Variants in EVC2 observed in about 807,000 individuals in gnomAD.
EVC2 encodes limbin.
EVC2 carries 148 observed loss-of-function variants against 149.3 expected under a neutral mutation model. That is an observed-to-expected ratio of 0.99 (90% CI 0.87 to 1.14). The LOEUF (loss-of-function observed/expected upper bound fraction) is 1.14, where lower values mean the gene tolerates loss of function less well. Among genes scored for constraint, EVC2 ranks in the 50% most tolerant of loss-of-function variants. The pLI, the probability that EVC2 is intolerant of heterozygous loss-of-function variation, is 0.00. For synonymous variants in EVC2, 776 were observed against 649.9 expected, an observed-to-expected ratio of 1.19 and a Z score of -2.95; for missense variants, 1,854 against 1,627.3, an observed-to-expected ratio of 1.14 and a Z score of -2.40.
intron 19 of EVC2, among the ~76,000 whole-genome samples, chr4:5,573,558 C>G (rs868227534): frequency 8.5e-5 from 13 of 152,334 alleles, no homozygotes; most frequent in East Asian, 1.9e-4. Context: ...GAAACAGATT[C>G]TCCCCCTAAA....
At chr4:5,664,695 G>A (rs1719137596) in intron 8 of EVC2, among the ~76,000 whole-genome samples, 1 of 152,118 alleles carries the variant, frequency 6.6e-6, no homozygotes, top group African/African-American at 2.4e-5. Context: ...AGCCTCCAGA[G>A]CCCCTGGGCA....
intron 20 of EVC2, among the ~76,000 whole-genome samples, chr4:5,565,866 A>T (rs1378281044): frequency 6.6e-6 from 1 of 152,164 alleles, no homozygotes; most frequent in East Asian, 1.9e-4. Flanking sequence ...CAAGGGGCCA[A>T]GTCTATGGGA....
chr4:5,627,244 A>C (rs1311567648), intron 12 of EVC2, among the ~76,000 whole-genome samples: 1 of 152,200 alleles, frequency 6.6e-6, no homozygotes, highest in African/African-American at 2.4e-5. Context: ...TCAGTAGTAG[A>C]TACATGTTTT....
chr4:5,566,856 C>T lies in EVC2; in HGVS notation c.3558-1497G>A, dbSNP rs372855183. Among the ~76,000 whole-genome samples, 23 of 152,310 alleles carry T rather than the reference C, an allele frequency of 1.5e-4. No individual in the cohort carries two copies. The East Asian group carries it at 4.4e-3, about 29-fold the overall frequency. On this transcript the variant is annotated intron_variant, in intron 20 of 21. Transcript: ENST00000344408. ...GGCAGAAGTGGCCTCCCCGCAGCCACACACGTTCCTACTCCAGAGTCACCT... is the reference window on the plus strand; with the variant it reads ...GGCAGAAGTGGCCTCCCCGCAGCCATACACGTTCCTACTCCAGAGTCACCT...
the EVC2 span, among the ~76,000 whole-genome samples, chr4:5,534,403 A>T: frequency 1.3e-5 from 2 of 152,258 alleles, no homozygotes; most frequent in South Asian, 4.2e-4. Context: ...AGATAGATGA[A>T]AACAGAGGCA....
At chr4:5,568,186 G>A (rs1394817785) in intron 20 of EVC2, among the ~76,000 whole-genome samples, 2 of 151,956 alleles carry the variant, frequency 1.3e-5, no homozygotes, top group East Asian at 3.9e-4. Context: ...ATTTTTCTAG[G>A]TCATAAAACC....
Position 5,576,571 on chromosome 4 carries a change from T to A in EVC2, c.3058-117A>T, listed in dbSNP as rs996257098. ...TCTGGCATGACTCTGTCTTGCCTGG[T>A]TCCCCATCCAGCTGTGCCACATGGT... On this transcript the variant is annotated intron_variant, in intron 17 of 21. Transcript: ENST00000344408. This position sits in a 1 kb window ranked among gnomAD's most constrained non-coding sequence, Gnocchi z 4.5. 8 of 1,519,872 alleles carry A rather than the reference T, an allele frequency of 5.3e-6. 1 individual carries two copies. In the Admixed American group the frequency reaches 1.6e-4, roughly 30 times the overall value. 94.1% of individuals were successfully genotyped at this position (1,519,872 alleles called of 1,614,324 possible). A position where few individuals can be genotyped will look rare whatever the true frequency, so the allele number is the denominator to read the frequency against.
chr4:5,685,891 G>A (rs931112558), intron 5 of EVC2, among the ~76,000 whole-genome samples: 6 of 152,126 alleles, frequency 3.9e-5, no homozygotes, highest in South Asian at 2.1e-4. Context: ...TGATGTGGCC[G>A]GGTGGGTGAT....
At chr4:5,573,324 T>C (rs1164955914) in intron 19 of EVC2, among the ~76,000 whole-genome samples, 3 of 152,198 alleles carry the variant, frequency 2.0e-5, no homozygotes, top group Non-Finnish European at 2.9e-5. Context: ...ATAATTACCA[T>C]GTGGGTCCTT....
chr4:5,623,346 T>A (rs1043725050), intron 13 of EVC2, among the ~76,000 whole-genome samples: 1 of 150,054 alleles, frequency 6.7e-6, no homozygotes, highest in Non-Finnish European at 1.5e-5. Flanking sequence ...TTATTTTTTT[T>A]ATTTTTTTTT....
Position 5,659,508 on chromosome 4 carries a change from G to C in EVC2, c.1145+3599C>G, listed in dbSNP as rs191144624. ...ATATTGAATGTTGGGACGGGAGGGA[G>C]GATGGGAGGCTGGGGGAGAGGAAGA... On this transcript the variant is annotated intron_variant, in intron 9 of 21. Transcript: ENST00000344408. 4.3e-3 allele frequency among the ~76,000 whole-genome samples: 648 copies of C among 152,190 alleles called. 5 individuals are homozygous for C. The highest frequency in any genetic ancestry group is 0.015 in the African/African-American group (612 of 41,512).
At position 5,618,730 on chromosome 4, in the gene EVC2, G is replaced by T. The variant is rs1715465003; in HGVS notation, c.2502-48C>A. The T allele has an allele frequency of 6.5e-7, 1 of 1,538,264 alleles. No homozygotes were observed. Among genetic ancestry groups the T allele is most frequent in the Admixed American group, 2.0e-5 (1 of 51,210 alleles). ...ACTCTTAACACAGAGAAAGCCTGGGGGCTGGGCTGGGGTGAAGAAGCCAGA... is the reference window on the plus strand; with the variant it reads ...ACTCTTAACACAGAGAAAGCCTGGGTGCTGGGCTGGGGTGAAGAAGCCAGA... On this transcript the variant is annotated intron_variant, in intron 14 of 21. Coordinates refer to ENST00000344408, the MANE Select transcript of EVC2 (RefSeq NM_147127.5). The surrounding 1 kb of genome is among the most constrained non-coding windows in gnomAD (Gnocchi z 4.4).
At position 5,677,948 on chromosome 4, in the gene EVC2, G is replaced by A. The variant is rs946934783; in HGVS notation, c.870+3312C>T. ...GCAGGACTCTGGCTCTCTGGGAGGC[G>A]GTGTGGTCCAGTGCCTGACAGCAGG... On this transcript the variant is annotated intron_variant, in intron 7 of 21. Coordinates refer to ENST00000344408, the MANE Select transcript of EVC2 (RefSeq NM_147127.5). This position sits in a 1 kb window ranked among gnomAD's most constrained non-coding sequence, Gnocchi z 4.3. Among the ~76,000 whole-genome samples, 1 of 152,158 alleles carries A rather than the reference G, an allele frequency of 6.6e-6. No individual in the cohort carries two copies. Among genetic ancestry groups the A allele is most frequent in the Non-Finnish European group, 1.5e-5 (1 of 68,032 alleles).
intron 13 of EVC2, among the ~76,000 whole-genome samples, chr4:5,624,108 G>T (rs1715931084): frequency 1.3e-5 from 2 of 152,180 alleles, no homozygotes; most frequent in South Asian, 4.1e-4. Context: ...AAGGAAGGAG[G>T]TCTCATCTGA....
chr4:5,671,260 C>T (rs1719630775), intron 7 of EVC2, among the ~76,000 whole-genome samples: 1 of 152,176 alleles, frequency 6.6e-6, no homozygotes, highest in Non-Finnish European at 1.5e-5. Context: ...GGCCTTCATA[C>T]CCCCGCTGCC....
At chr4:5,654,379 T>A (rs1452890846) in intron 9 of EVC2, among the ~76,000 whole-genome samples, 3 of 152,136 alleles carry the variant, frequency 2.0e-5, no homozygotes, top group Non-Finnish European at 2.9e-5. Flanking sequence ...AGGTCACACA[T>A]GAATTTCTCT....
rs113859869 is a variant in EVC2 at position 5,652,133 on chromosome 4, C to T, written c.1145+10974G>A. On this transcript the variant is annotated intron_variant, in intron 9 of 21. Coordinates refer to ENST00000344408, the MANE Select transcript of EVC2 (RefSeq NM_147127.5). ...CTGGCTGGTGTGTGAATGGACTGGA[C>T]GGTTAGGGATGGACGTGAAGTTGGT... 5.4e-3 allele frequency among the ~76,000 whole-genome samples: 829 copies of T among 152,152 alleles called. 5 individuals are homozygous for T. Among genetic ancestry groups the T allele is most frequent in the Non-Finnish European group, 7.2e-3 (490 of 68,012 alleles).
chr4:5,543,229 T>C, intron 21 of EVC2: 1 of 1,289,292 alleles, frequency 7.8e-7, no homozygotes, highest in South Asian at 1.2e-5. Context: ...CAGGATACAA[T>C]CCTGGTCTAA....
At chr4:5,598,216 T>C (rs1404984065) in intron 16 of EVC2, among the ~76,000 whole-genome samples, 2 of 152,202 alleles carry the variant, frequency 1.3e-5, no homozygotes, top group East Asian at 1.9e-4. Flanking sequence ...TGGAAAAAAC[T>C]AATTTAAAGT....
Sources: gnomAD v4.1 joint callset for allele counts (sites outside exome capture counted in the v4.1 genomes callset) on GRCh38, gnomAD v4.1.1 for gene constraint, Gnocchi (gnomAD v3.1) non-coding constraint, MANE v1.5 for transcripts, NCBI Gene and HGNC (gene_info 2026-07-23, HGNC 2026-07-21) for gene names.